The following KCNT1 variants were observed in gnomAD, a reference collection of about 807,000 sequenced individuals.
KCNT1 encodes potassium sodium-activated channel subfamily T member 1.
In KCNT1, 78 loss-of-function variants were observed where a neutral mutation model predicts 147.8. That is an observed-to-expected ratio of 0.53 (90% CI 0.44 to 0.64). The LOEUF (loss-of-function observed/expected upper bound fraction) is 0.64. KCNT1 is among the 30% of genes least tolerant of loss of function. The probability of loss-of-function intolerance (pLI) is 0.00; values close to 1 mark genes in which losing one functional copy is unlikely to be tolerated. For missense variants in KCNT1, 1,419 were observed against 1,750.3 expected (o/e 0.81, Z 3.38); for synonymous variants, 867 against 748.8 (o/e 1.16, Z -2.58).
chr9:135,774,229 TGTGTG>T (rs1832961634), intron 19 of KCNT1, among the ~76,000 whole-genome samples: 1 of 149,464 alleles, frequency 6.7e-6, no homozygotes, highest in African/African-American at 2.5e-5. Flanking sequence ...GTCTGTGTGT[TGTGTG>T]TGGTGTGTGT....
intron 19 of KCNT1, among the ~76,000 whole-genome samples, chr9:135,773,671 C>T (rs1341244926): frequency 6.6e-6 from 1 of 152,286 alleles, no homozygotes; most frequent in African/African-American, 2.4e-5. Context: ...GCCCGAGGTC[C>T]ATCCTCAGCG....
At chr9:135,777,007 C>A (rs557618899) in intron 20 of KCNT1, among the ~76,000 whole-genome samples, 1 of 152,372 alleles carries the variant, frequency 6.6e-6, no homozygotes, top group South Asian at 2.1e-4. Flanking sequence ...CTGTTGGCAT[C>A]CCTGCTCTGA....
rs56142950 is a variant in KCNT1, at chr9:135,769,202, A to G, written c.1510+265A>G. On this transcript the variant is annotated intron_variant, in intron 15 of 30. Coordinates refer to ENST00000371757, the MANE Select transcript of KCNT1 (RefSeq NM_020822.3). ...GGGCGCGTGTGCACACGTGGGTGAC[A>G]GTGCATCTGGGGCAGGGCACGTGTG... Among the ~76,000 whole-genome samples the G allele has an allele frequency of 0.13, 8,965 of 68,682 alleles. 643 individuals are homozygous for G. Among genetic ancestry groups the G allele is most frequent in the Middle Eastern group, 0.21 (15 of 72 alleles). 45.1% of individuals were successfully genotyped at this position (68,682 alleles called of 152,430 possible).
intron 11 of KCNT1, among the ~76,000 whole-genome samples, chr9:135,760,889 C>G (rs146831947): frequency 2.2e-4 from 34 of 152,366 alleles, no homozygotes; most frequent in African/African-American, 8.2e-4. Flanking sequence ...CCTCTTTGGT[C>G]TTCCCCCTGG....
intron 1 of KCNT1, among the ~76,000 whole-genome samples, chr9:135,708,015 TCTGA>T (rs1340315202): frequency 2.6e-5 from 4 of 152,152 alleles, no homozygotes; most frequent in Non-Finnish European, 5.9e-5. Context: ...CTCGAGCAGC[TCTGA>T]CTTTTTAATC....
At chr9:135,747,431 G>A (rs10858162) in intron 2 of KCNT1, among the ~76,000 whole-genome samples, 142,146 of 152,040 alleles carry the variant, frequency 0.93, 66,494 homozygotes, top group East Asian at 0.99. Flanking sequence ...GGAGGGCCTT[G>A]GGAGACCCTG....
At chr9:135,773,356 G>A (rs1431725051) in intron 19 of KCNT1, among the ~76,000 whole-genome samples, 2 of 152,188 alleles carry the variant, frequency 1.3e-5, no homozygotes, top group African/African-American at 4.8e-5. Context: ...TCAGGATGGA[G>A]CTGGGCAGTG....
rs779785773 is a variant in KCNT1, at chr9:135,778,913, GC to G, written c.2729+94del. 4.5e-4 allele frequency: 663 copies of G among 1,481,626 alleles called. 7 individuals carry two copies. The East Asian group carries it at 0.016, about 35-fold the overall frequency. 91.8% of individuals were successfully genotyped at this position (1,481,626 alleles called of 1,614,324 possible). On this transcript the variant is annotated intron_variant, in intron 23 of 30. Transcript: ENST00000371757. The stretch of plus-strand genomic sequence containing the variant: ...GAGACCCCCACAGCCACGACCACGG[GC>G]CCTCGCCCTGAGACCCCCACAGCCA...
intron 2 of KCNT1, among the ~76,000 whole-genome samples, chr9:135,726,748 CCTCCCTCTCTCCCTCTCTCTCT>C (rs1564323203): frequency 8.4e-6 from 1 of 119,672 alleles, no homozygotes; most frequent in African/African-American, 3.2e-5. Flanking sequence ...TCCCTCTCTC[CCTCCCTCTCTCCCTCTCTCTCT>C]CTTCCTCTCT....
chr9:135,754,848 C>T (rs1329796307), intron 5 of KCNT1, among the ~76,000 whole-genome samples: 1 of 152,206 alleles, frequency 6.6e-6, no homozygotes, highest in African/African-American at 2.4e-5. Flanking sequence ...GCCAAGGCTC[C>T]ATGGAGACTC....
At chr9:135,757,421 C>T in intron 9 of KCNT1, 40 bp downstream of exon 9, 1 of 1,553,336 alleles carries the variant, frequency 6.4e-7, no homozygotes, top group South Asian at 1.1e-5. Flanking sequence ...CTTGGGGGGG[C>T]CACCCTCAGC....
rs1316513150 is a variant in KCNT1 at position 135,730,357 on chromosome 9, G to A, written c.254+15637G>A. Among the ~76,000 whole-genome samples the A allele has an allele frequency of 1.3e-5, 2 of 152,176 alleles. No homozygotes were observed. Among genetic ancestry groups the A allele is most frequent in the East Asian group, 3.8e-4 (2 of 5,200 alleles). On this transcript the variant is annotated intron_variant, in intron 2 of 30. Coordinates refer to ENST00000371757, the MANE Select transcript of KCNT1 (RefSeq NM_020822.3). The surrounding 1 kb of genome is among the most constrained non-coding windows in gnomAD (Gnocchi z 4.7). ...CAGAAACCCATGACTATGTAACCAT[G>A]CGTGGCGAGGGGGACCACACGTGGT...
chr9:135,705,752 C>T (rs996220611), intron 1 of KCNT1, among the ~76,000 whole-genome samples: 2 of 152,234 alleles, frequency 1.3e-5, no homozygotes, highest in Non-Finnish European at 2.9e-5. Context: ...ATGCGATTGG[C>T]CCAGGGAGGT....
intron 1 of KCNT1, among the ~76,000 whole-genome samples, chr9:135,703,579 G>T (rs572522169): frequency 4.6e-5 from 7 of 152,316 alleles, no homozygotes; most frequent in African/African-American, 1.7e-4. Context: ...GGCACAGCCT[G>T]GACGTGCTCT....
At chr9:135,726,359 C>T (rs774554742) in intron 2 of KCNT1, among the ~76,000 whole-genome samples, 40 of 152,080 alleles carry the variant, frequency 2.6e-4, no homozygotes, top group Non-Finnish European at 5.6e-4. Context: ...AGGCCGTACC[C>T]CCAGGGACAG....
At chr9:135,766,291 T>G (rs1832275965) in intron 13 of KCNT1, among the ~76,000 whole-genome samples, 1 of 150,814 alleles carries the variant, frequency 6.6e-6, no homozygotes, top group Non-Finnish European at 1.5e-5. Context: ...GGGTAGACTG[T>G]CCAGGGTGGA....
At position 135,792,058 on chromosome 9, in the gene KCNT1, AC is replaced by A. The variant is rs1473545239; in HGVS notation, c.3610del (p.Leu1204TrpfsTer61). 2 of 1,603,020 alleles carry A rather than the reference AC, an allele frequency of 1.2e-6. No homozygotes were observed. The highest frequency in any genetic ancestry group is 8.5e-7 in the Non-Finnish European group (1 of 1,179,450). ...TCCCGCAGCTATCTCATCCGCTCCG[AC>A]CCCCTGGCTCACGTGGCCAGCAGCT... ...PSDIVYLIRS[D>X]PLAHVASSSQ... is the part of the protein sequence containing the mutation. On this transcript the variant is annotated frameshift_variant, in exon 31 of 31. Coordinates refer to ENST00000371757, the MANE Select transcript of KCNT1 (RefSeq NM_020822.3). LOFTEE classifies it high-confidence loss of function.
chr9:135,757,364 G>C lies in KCNT1; in HGVS notation c.742G>C (p.Ala248Pro), dbSNP rs764050624. ...VFLNCWLAKH[A>P]LENMINDFHR... ...TCTGAACTGCTGGCTGGCCAAGCAC[G>C]CGCTGGAAAACATGATTGTAAGCCG... is the stretch of plus-strand genomic sequence containing the variant. The change falls in exon 9 of 31, where the codon GCG becomes CCG. Residue 248 changes from alanine (A) to proline (P), a missense_variant. Ala to Pro is a conservative substitution (Grantham distance 27). Transcript: ENST00000371757. 1 of 1,609,530 alleles carries C rather than the reference G, an allele frequency of 6.2e-7. No individual in the cohort carries two copies. The highest frequency in any genetic ancestry group is 1.1e-5 in the South Asian group (1 of 91,050).
chr9:135,775,246 G>A lies in KCNT1; in HGVS notation c.2244-64G>A, dbSNP rs941730895. The A allele has an allele frequency of 6.1e-6, 8 of 1,303,646 alleles. No homozygotes were observed. In the African/African-American group the frequency reaches 1.1e-4, roughly 17 times the overall value. The allele number at this position is 1,303,646 out of a possible 1,614,324, so 80.8% of individuals were successfully genotyped here. A position where few individuals can be genotyped will look rare whatever the true frequency, so the allele number is the denominator to read the frequency against. ...CCCTCGAGTCCCCCAGCCCGAGGGGGGCCCCAGAGCAGACCCAGCCACCTC... is the reference window on the plus strand; with the variant it reads ...CCCTCGAGTCCCCCAGCCCGAGGGGAGCCCCAGAGCAGACCCAGCCACCTC... On this transcript the variant is annotated intron_variant, in intron 19 of 30. Coordinates refer to ENST00000371757, the MANE Select transcript of KCNT1 (RefSeq NM_020822.3).
Sources: allele counts gnomAD v4.1 joint callset (sites outside exome capture counted in the v4.1 genomes callset), GRCh38; gene constraint gnomAD v4.1.1; non-coding constraint Gnocchi (gnomAD v3.1); transcripts MANE v1.5; gene names NCBI Gene and HGNC (gene_info 2026-07-23, HGNC 2026-07-21).